Variants in CD226 observed in about 807,000 individuals in gnomAD.
The protein encoded by CD226 is CD226 molecule.
A neutral mutation model predicts 34.9 loss-of-function variants in CD226; 24 were observed. The observed-to-expected ratio is 0.69, with a 90% CI of 0.50 to 0.97. The LOEUF (loss-of-function observed/expected upper bound fraction) is 0.97, where lower values mean the gene tolerates loss of function less well. Among genes scored for constraint, CD226 ranks in the 50% least tolerant of loss-of-function variants. CD226 has a pLI of 0.00. For synonymous variants in CD226, 148 were observed against 147.4 expected (o/e 1.00, Z -0.03); for missense variants, 397 against 412.7 (o/e 0.96, Z 0.33).
chr18:69,938,564 C>A lies in CD226; in HGVS notation c.382+8170G>T, dbSNP rs142657107. ...AAAGGCTACTTTACAATTTAATACA[C>A]CTGAAACAGACTTAATTCCACTCTT... On this transcript the variant is annotated intron_variant, in intron 2 of 5. Coordinates refer to ENST00000582621, the MANE Select transcript of CD226 (RefSeq NM_001303618.2). Among the ~76,000 whole-genome samples the A allele has an allele frequency of 1.2e-3, 183 of 152,308 alleles. 5 individuals carry two copies. The East Asian group carries it at 0.035, about 29-fold the overall frequency.
chr18:69,853,991 C>G lies in CD226; in HGVS notation c.*10323G>C, dbSNP rs1397388389. 6.6e-6 allele frequency: 1 copy of G among 152,100 alleles called. No homozygotes were observed. 9.4% of individuals were successfully genotyped at this position (152,100 alleles called of 1,614,324 possible). On this transcript the variant is annotated 3_prime_UTR_variant, in exon 6 of 6. Transcript: ENST00000582621. Reference sequence around the variant, plus strand: ...GGAATGGAGTCCAGCAACAGGAACCCTAGTGCAGTATCAGAAAGTCAGGGC... The same window carrying G: ...GGAATGGAGTCCAGCAACAGGAACCGTAGTGCAGTATCAGAAAGTCAGGGC...
At position 69,946,746 on chromosome 18, in the gene CD226, C is replaced by A. The variant is rs745841638; in HGVS notation, c.370G>T (p.Val124Leu). 1 of 1,611,502 alleles carries A rather than the reference C, an allele frequency of 6.2e-7. No individual in the cohort carries two copies. The highest frequency in any genetic ancestry group is 8.5e-7 in the Non-Finnish European group (1 of 1,178,400). ...AACTTGCCCTTACCTGACTGAACCA[C>A]CTGTATCACCTTCTGCCAAGTTCCC... Reference protein sequence around the residue: ...PQGTWQKVIQVVQSDSFEAAV... With the variant: ...PQGTWQKVIQLVQSDSFEAAV... The change falls in exon 2 of 6, where the codon GTG becomes TTG. Residue 124 changes from valine (V) to leucine (L), a missense_variant. By Grantham distance (32) the Val-to-Leu change is conservative. Coordinates refer to ENST00000582621, the MANE Select transcript of CD226 (RefSeq NM_001303618.2).
chr18:69,864,498 G>A, intron 5 of CD226, 59 bp from the exon 6 acceptor site: 1 of 1,563,350 alleles, frequency 6.4e-7, no homozygotes, highest in Non-Finnish European at 8.7e-7. Context: ...AACTAATGAA[G>A]ACATTCAAAA....
intron 3 of CD226, among the ~76,000 whole-genome samples, chr18:69,877,485 G>C (rs1253352775): frequency 6.6e-6 from 1 of 152,132 alleles, no homozygotes; most frequent in Non-Finnish European, 1.5e-5. Flanking sequence ...TGACAACCTT[G>C]TAGAAATGGG....
Position 69,861,570 on chromosome 18 carries a change from A to ATATG in CD226, c.*2740_*2743dup. ...TATATATATGTATATATATATATAT[A>ATATG]TATGTAAAACTTAAGAAGCATTTTG... On this transcript the variant is annotated 3_prime_UTR_variant, in exon 6 of 6. Coordinates refer to ENST00000582621, the MANE Select transcript of CD226 (RefSeq NM_001303618.2). The ATATG allele has an allele frequency of 6.8e-6, 1 of 146,648 alleles. No individual in the cohort carries two copies. Among genetic ancestry groups the ATATG allele is most frequent in the South Asian group, 2.1e-4 (1 of 4,720 alleles). 9.1% of individuals were successfully genotyped at this position (146,648 alleles called of 1,614,324 possible).
intron 3 of CD226, among the ~76,000 whole-genome samples, chr18:69,891,599 C>CA (rs1303057950): frequency 6.6e-6 from 1 of 151,874 alleles, no homozygotes; most frequent in African/African-American, 2.4e-5. Context: ...AAAAGTGCCA[C>CA]AAAAAAACCT....
At position 69,860,234 on chromosome 18, in the gene CD226, TGA is replaced by T. The variant is rs1252040412; in HGVS notation, c.*4078_*4079del. ...CCATGGCAAATGAAAGTAGTGATCG[TGA>T]AACATTGTGTTTTATTCATTCAAAA... On this transcript the variant is annotated 3_prime_UTR_variant, in exon 6 of 6. Transcript: ENST00000582621. The T allele has an allele frequency of 6.6e-6, 1 of 152,208 alleles. No homozygotes were observed. The highest frequency in any genetic ancestry group is 2.4e-5 in the African/African-American group (1 of 41,460). 9.4% of individuals were successfully genotyped at this position (152,208 alleles called of 1,614,324 possible). A position where few individuals can be genotyped will look rare whatever the true frequency, so the allele number is the denominator to read the frequency against.
Position 69,859,565 on chromosome 18 carries a change from C to T in CD226, c.*4749G>A, listed in dbSNP as rs945299919. ...AGACATCTAAATGAATAATGAATGT[C>T]TAAAATTGAAAAAAAAAGTATTAGT... is the stretch of plus-strand genomic sequence containing the variant. On this transcript the variant is annotated 3_prime_UTR_variant, in exon 6 of 6. Transcript: ENST00000582621. 8.2e-6 allele frequency: 1 copy of T among 122,554 alleles called. No homozygotes were observed. The highest frequency in any genetic ancestry group is 2.6e-5 in the African/African-American group (1 of 39,048). The allele number at this position is 122,554 out of a possible 1,614,324, so 7.6% of individuals were successfully genotyped here.
chr18:69,919,564 A>G (rs2055426357), intron 2 of CD226, among the ~76,000 whole-genome samples: 1 of 152,228 alleles, frequency 6.6e-6, no homozygotes, highest in Non-Finnish European at 1.5e-5. Flanking sequence ...GAAGGCAAGG[A>G]GATTACCTAA....
intron 2 of CD226, among the ~76,000 whole-genome samples, chr18:69,923,314 TGTC>T (rs1309686952): frequency 6.6e-6 from 1 of 152,006 alleles, no homozygotes; most frequent in Admixed American, 6.5e-5. Context: ...GGAAGGCAAG[TGTC>T]GTGTTGCAGG....
chr18:69,903,047 A>T (rs2145266182), intron 2 of CD226, among the ~76,000 whole-genome samples: 1 of 152,350 alleles, frequency 6.6e-6, no homozygotes. Flanking sequence ...AGAAATAGAA[A>T]GGCAAGTTCC....
chr18:69,957,971 C>A (rs2055910249), upstream of CD226, among the ~76,000 whole-genome samples: 1 of 152,184 alleles, frequency 6.6e-6, no homozygotes, highest in Non-Finnish European at 1.5e-5. Flanking sequence ...TATTGCTCAT[C>A]CAACTTACAT....
At chr18:69,918,680 A>C (rs901383881) in intron 2 of CD226, among the ~76,000 whole-genome samples, 6 of 152,242 alleles carry the variant, frequency 3.9e-5, no homozygotes, top group African/African-American at 1.4e-4. Flanking sequence ...AGATGTTTAC[A>C]ATGTAAAATG....
At position 69,920,121 on chromosome 18, in the gene CD226, C is replaced by A. The variant is rs2055433827; in HGVS notation, c.383-24076G>T. Among the ~76,000 whole-genome samples, 2 of 152,164 alleles carry A rather than the reference C, an allele frequency of 1.3e-5. 1 individual carries two copies. The highest frequency in any genetic ancestry group is 4.1e-4 in the South Asian group (2 of 4,824). On this transcript the variant is annotated intron_variant, in intron 2 of 5. Transcript: ENST00000582621. ...TCAAGGGATCTGCCTGCCTCAGCCT[C>A]CCAAAGTGCTGGGATTACAGGTGTG...
chr18:69,910,332 G>A (rs544945439), intron 2 of CD226, among the ~76,000 whole-genome samples: 26 of 152,308 alleles, frequency 1.7e-4, no homozygotes, highest in African/African-American at 5.3e-4. Flanking sequence ...TCTCAGTGAC[G>A]CTGCGTGGAT....
chr18:69,945,762 ACTGG>A (rs2055781260), intron 2 of CD226, among the ~76,000 whole-genome samples: 1 of 152,116 alleles, frequency 6.6e-6, no homozygotes. Context: ...TATTCCCAAG[ACTGG>A]GCAATTTACA....
intron 2 of CD226, among the ~76,000 whole-genome samples, chr18:69,902,924 T>C (rs17842597): frequency 0.031 from 4,695 of 152,216 alleles, 228 homozygotes; most frequent in African/African-American, 0.11. Context: ...AGAACTTTTC[T>C]ACAAACTCTT....
At chr18:69,952,594 A>C (rs1244534999), upstream of CD226, among the ~76,000 whole-genome samples, 1 of 152,220 alleles carries the variant, frequency 6.6e-6, no homozygotes, top group African/African-American at 2.4e-5. Context: ...TGAAACACAA[A>C]AATTAACTCA....
At chr18:69,885,874 G>A (rs567932750) in intron 3 of CD226, among the ~76,000 whole-genome samples, 5 of 152,244 alleles carry the variant, frequency 3.3e-5, no homozygotes, top group South Asian at 2.1e-4. Context: ...TAGCATTGGC[G>A]TCAGCGAAGG....
Sources: gnomAD v4.1 joint callset for allele counts (sites outside exome capture counted in the v4.1 genomes callset) on GRCh38, gnomAD v4.1.1 for gene constraint, MANE v1.5 for transcripts, NCBI Gene and HGNC (gene_info 2026-07-23, HGNC 2026-07-21) for gene names.